Variants in KCNMB2 observed in about 807,000 individuals in gnomAD.
KCNMB2 encodes the protein potassium calcium-activated channel subfamily M regulatory beta subunit 2.
KCNMB2 carries 9 observed loss-of-function variants against 24.5 expected under a neutral mutation model. The ratio of observed to expected loss-of-function variants is 0.37; its 90% CI spans 0.22 to 0.64. KCNMB2 has a LOEUF of 0.64. Ranked by LOEUF, KCNMB2 falls within the 30% of genes least tolerant of loss-of-function variation. The pLI, the probability that KCNMB2 is intolerant of heterozygous loss-of-function variation, is 0.63. For missense variants in KCNMB2, 226 were observed against 284.3 expected (o/e 0.79, Z 1.47); for synonymous variants, 109 against 104.4 (o/e 1.04, Z -0.27).
intron 1 of KCNMB2, among the ~76,000 whole-genome samples, chr3:178,735,517 G>A (rs1272702287): frequency 1.3e-5 from 2 of 152,212 alleles, no homozygotes; most frequent in East Asian, 3.8e-4. Context: ...GTTTTGGAGG[G>A]TGTGTTTAAA....
intron 1 of KCNMB2, among the ~76,000 whole-genome samples, chr3:178,709,206 T>C (rs1722375032): frequency 6.6e-6 from 1 of 152,142 alleles, no homozygotes; most frequent in Admixed American, 6.6e-5. Context: ...GCCTTTAAAA[T>C]TCAAACAGGA....
intron 1 of KCNMB2, among the ~76,000 whole-genome samples, chr3:178,749,673 G>A (rs1192527608): frequency 6.6e-6 from 1 of 152,174 alleles, no homozygotes; most frequent in Non-Finnish European, 1.5e-5. Flanking sequence ...TCGCATCTAG[G>A]AAATGCTTAA....
At position 178,731,719 on chromosome 3, in the gene KCNMB2, C is replaced by A. The variant is rs554964240; in HGVS notation, c.-67-75624C>A. Among the ~76,000 whole-genome samples the A allele has an allele frequency of 2.0e-5, 3 of 152,258 alleles. 1 individual carries two copies. The East Asian group carries it at 5.8e-4, about 29-fold the overall frequency. ...TGGAGTTCAAGACCAGCCTGGCCAA[C>A]ATGGTGAAACCTTATCTCTAATAAA... On this transcript the variant is annotated intron_variant, in intron 1 of 4. Transcript: ENST00000452583.
chr3:178,758,020 T>TACA (rs1560006379), intron 1 of KCNMB2, among the ~76,000 whole-genome samples: 3 of 1,600 alleles, frequency 1.9e-3, no homozygotes, highest in South Asian at 0.071. Flanking sequence ...TATATATATA[T>TACA]CTAGAGGATA....
At chr3:178,708,610 A>T (rs1338361558) in intron 1 of KCNMB2, among the ~76,000 whole-genome samples, 1 of 152,068 alleles carries the variant, frequency 6.6e-6, no homozygotes, top group Non-Finnish European at 1.5e-5. Context: ...AAAAATAACA[A>T]CAGTAGCAAT....
intron 1 of KCNMB2, among the ~76,000 whole-genome samples, chr3:178,767,497 A>G (rs1009247510): frequency 1.3e-5 from 2 of 152,222 alleles, no homozygotes; most frequent in Non-Finnish European, 2.9e-5. Flanking sequence ...CATTTAAAAA[A>G]TCAACCAATA....
chr3:178,762,707 G>C (rs534122433), intron 1 of KCNMB2, among the ~76,000 whole-genome samples: 6 of 152,252 alleles, frequency 3.9e-5, no homozygotes, highest in African/African-American at 1.4e-4. Flanking sequence ...ACTAGTTAGA[G>C]AGATATATTG....
chr3:178,609,690 G>A (rs982743483), intron 1 of KCNMB2, among the ~76,000 whole-genome samples: 6 of 151,104 alleles, frequency 4.0e-5, no homozygotes, highest in Admixed American at 3.3e-4. Context: ...AGCTTGGAGT[G>A]CAGTGGTGCC....
At chr3:178,689,180 C>CA (rs1403974182) in intron 1 of KCNMB2, among the ~76,000 whole-genome samples, 2 of 151,122 alleles carry the variant, frequency 1.3e-5, no homozygotes, top group East Asian at 1.9e-4. Context: ...ATTCTCTCCT[C>CA]AAAAAAATGT....
At chr3:178,637,653 G>A (rs1274900426) in intron 1 of KCNMB2, among the ~76,000 whole-genome samples, 1 of 152,114 alleles carries the variant, frequency 6.6e-6, no homozygotes, top group Non-Finnish European at 1.5e-5. Flanking sequence ...TGAAATGAAG[G>A]TCATACAGGG....
chr3:178,837,730 T>C (rs1332847082), intron 4 of KCNMB2, among the ~76,000 whole-genome samples: 1 of 151,912 alleles, frequency 6.6e-6, no homozygotes, highest in Non-Finnish European at 1.5e-5. Flanking sequence ...CCAGCCCACA[T>C]GCATGCAATG....
At chr3:178,800,333 A>T (rs1301924063) in intron 1 of KCNMB2, among the ~76,000 whole-genome samples, 3 of 152,196 alleles carry the variant, frequency 2.0e-5, no homozygotes, top group African/African-American at 7.2e-5. Context: ...ATCTATAGGA[A>T]AAAAATCTAA....
intron 1 of KCNMB2, among the ~76,000 whole-genome samples, chr3:178,546,287 C>T (rs187971162): frequency 3.9e-5 from 6 of 152,170 alleles, no homozygotes; most frequent in Non-Finnish European, 8.8e-5. Context: ...TTAGTGTTTG[C>T]TGAACTGAAA....
intron 1 of KCNMB2, among the ~76,000 whole-genome samples, chr3:178,765,435 A>G (rs1304525018): frequency 6.6e-6 from 1 of 152,120 alleles, no homozygotes; most frequent in Non-Finnish European, 1.5e-5. Flanking sequence ...TTCACTTTCT[A>G]CCTTTTCTTC....
At chr3:178,731,430 A>G (rs1723146736) in intron 1 of KCNMB2, among the ~76,000 whole-genome samples, 1 of 152,158 alleles carries the variant, frequency 6.6e-6, no homozygotes, top group Non-Finnish European at 1.5e-5. Context: ...GTCTCTACCT[A>G]TCAGACACTG....
At chr3:178,788,837 C>T (rs922836036) in intron 1 of KCNMB2, among the ~76,000 whole-genome samples, 6 of 152,218 alleles carry the variant, frequency 3.9e-5, no homozygotes, top group Admixed American at 2.6e-4. Context: ...GTCTGACCTG[C>T]TTGTCTAGTC....
chr3:178,594,427 A>T (rs970748076), intron 1 of KCNMB2, among the ~76,000 whole-genome samples: 1 of 152,108 alleles, frequency 6.6e-6, no homozygotes, highest in African/African-American at 2.4e-5. Context: ...GTGTTTTGAA[A>T]CTAGAAGCAA....
intron 1 of KCNMB2, among the ~76,000 whole-genome samples, chr3:178,618,197 C>T (rs1718783515): frequency 6.6e-6 from 1 of 152,080 alleles, no homozygotes; most frequent in Non-Finnish European, 1.5e-5. Context: ...AAATAAATAA[C>T]AGCAAAAATA....
intron 1 of KCNMB2, among the ~76,000 whole-genome samples, chr3:178,749,394 C>A (rs953980686): frequency 2.6e-5 from 4 of 152,120 alleles, no homozygotes; most frequent in African/African-American, 9.7e-5. Context: ...AGCTATAAGC[C>A]CCTAGAGATC....
Sources: allele counts gnomAD v4.1 joint callset (sites outside exome capture counted in the v4.1 genomes callset), GRCh38; gene constraint gnomAD v4.1.1; transcripts MANE v1.5; gene names NCBI Gene and HGNC (gene_info 2026-07-23, HGNC 2026-07-21).